SLC4A8: variants seen among roughly 807,000 people sequenced by gnomAD.
SLC4A8 encodes solute carrier family 4 member 8.
Under a neutral mutation model 125.0 loss-of-function variants are expected in SLC4A8, and 40 were observed. That is an observed-to-expected ratio of 0.32 (90% CI 0.25 to 0.42). SLC4A8 has a LOEUF of 0.42. Ranked by LOEUF, SLC4A8 falls within the 10% of genes least tolerant of loss-of-function variation. SLC4A8 has a pLI of 1.00. For missense variants in SLC4A8, 863 were observed against 1,355.1 expected (o/e 0.64, Z 5.70); for synonymous variants, 456 against 476.0 (o/e 0.96, Z 0.55).
chr12:51,495,887 T>G (rs542904204), intron 21 of SLC4A8, among the ~76,000 whole-genome samples: 5 of 152,240 alleles, frequency 3.3e-5, no homozygotes, highest in Non-Finnish European at 7.3e-5. Context: ...TCCCACTGTA[T>G]GTAAATACTA....
chr12:51,425,108 C>T, intron 1 of SLC4A8, 73 bp downstream of exon 1: 2 of 1,502,732 alleles, frequency 1.3e-6, no homozygotes, highest in Non-Finnish European at 1.8e-6. Flanking sequence ...CACCCTCCTT[C>T]CTTCTGCCCC....
chr12:51,488,588 A>G, intron 17 of SLC4A8, 111 bp from the exon 18 acceptor site: 1 of 697,564 alleles, frequency 1.4e-6, no homozygotes, highest in Non-Finnish European at 2.2e-6. Context: ...TTTTTTTTTT[A>G]AGAACCTCAC....
At chr12:51,430,760 A>G (rs1949161043) in intron 1 of SLC4A8, among the ~76,000 whole-genome samples, 1 of 152,192 alleles carries the variant, frequency 6.6e-6, no homozygotes, top group Non-Finnish European at 1.5e-5. Flanking sequence ...CAGAAAAGCA[A>G]TTGTGTCTAT....
At chr12:51,443,602 A>G (rs1340426733) in intron 2 of SLC4A8, among the ~76,000 whole-genome samples, 1 of 152,082 alleles carries the variant, frequency 6.6e-6, no homozygotes, top group Non-Finnish European at 1.5e-5. Flanking sequence ...ATTATTCCTG[A>G]TTAACTACTA....
intron 2 of SLC4A8, among the ~76,000 whole-genome samples, chr12:51,442,641 G>A (rs7964740): frequency 0.93 from 141,045 of 152,254 alleles, 65,392 homozygotes; most frequent in Non-Finnish European, 0.95. Context: ...TCCTTTGTAC[G>A]TAGACTTTTT....
At chr12:51,398,530 C>T (rs1948309957) in intron 1 of SLC4A8, among the ~76,000 whole-genome samples, 1 of 152,156 alleles carries the variant, frequency 6.6e-6, no homozygotes, top group Non-Finnish European at 1.5e-5. Context: ...AGAGCTTTTT[C>T]TGCTCAAAAT....
intron 5 of SLC4A8, among the ~76,000 whole-genome samples, chr12:51,455,898 G>T (rs1477584224): frequency 1.3e-5 from 2 of 152,162 alleles, no homozygotes; most frequent in East Asian, 1.9e-4. Context: ...TCCCATGAAT[G>T]TTCCTTAAAA....
rs1938288127 is a variant in SLC4A8 at position 51,509,462 on chromosome 12, T to A, written c.*2024T>A. 1 of 152,230 alleles carries A rather than the reference T, an allele frequency of 6.6e-6. No individual in the cohort carries two copies. Among genetic ancestry groups the A allele is most frequent in the Non-Finnish European group, 1.5e-5 (1 of 68,046 alleles). The allele number at this position is 152,230 out of a possible 1,614,324, so 9.4% of individuals were successfully genotyped here. Reference sequence around the variant, plus strand: ...TTCTTGCAGACTTTTCCCTTGTCCCTCTCTGGCTGCCTCCTTGAGCTTGCC... The same window carrying A: ...TTCTTGCAGACTTTTCCCTTGTCCCACTCTGGCTGCCTCCTTGAGCTTGCC... On this transcript the variant is annotated 3_prime_UTR_variant, in exon 25 of 25. Coordinates refer to ENST00000453097, the MANE Select transcript of SLC4A8 (RefSeq NM_001039960.3).
intron 16 of SLC4A8, chr12:51,480,430 C>T (rs189565212): frequency 7.5e-4 from 828 of 1,111,308 alleles, no homozygotes; most frequent in Non-Finnish European, 8.7e-4. Flanking sequence ...TGGAATAATA[C>T]GTGGATTGGG....
chr12:51,471,714 T>C (rs1950706707), intron 14 of SLC4A8, 182 bp downstream of exon 14: 1 of 635,678 alleles, frequency 1.6e-6, no homozygotes, highest in African/African-American at 1.8e-5. Context: ...TCAAAAGTGT[T>C]GACAGAGAAG....
At chr12:51,400,259 A>G (rs7300192) in intron 1 of SLC4A8, among the ~76,000 whole-genome samples, 94,952 of 152,092 alleles carry the variant, frequency 0.62, 29,717 homozygotes, top group South Asian at 0.64. Context: ...AATGGAATGT[A>G]AGTTATGTTT....
chr12:51,505,686 T>C (rs1938136846), intron 23 of SLC4A8, 149 bp from the exon 24 acceptor site: 2 of 472,794 alleles, frequency 4.2e-6, no homozygotes, highest in Non-Finnish European at 7.6e-6. Flanking sequence ...AAGATCAGAC[T>C]CCATCTTGTT....
At chr12:51,426,301 C>T (rs954940713) in intron 1 of SLC4A8, among the ~76,000 whole-genome samples, 1 of 152,102 alleles carries the variant, frequency 6.6e-6, no homozygotes, top group African/African-American at 2.4e-5. Flanking sequence ...ATATCTAACC[C>T]CCTTAAAGCC....
intron 16 of SLC4A8, 92 bp from the exon 17 acceptor site, chr12:51,485,695 C>A: frequency 1.5e-6 from 1 of 661,496 alleles, no homozygotes; most frequent in South Asian, 2.0e-5. Context: ...TGAAAACATT[C>A]TTCTGAGGAT....
chr12:51,451,323 C>G (rs1949964831), intron 3 of SLC4A8, among the ~76,000 whole-genome samples: 1 of 152,162 alleles, frequency 6.6e-6, no homozygotes, highest in African/African-American at 2.4e-5. Context: ...ACCTTGTGAT[C>G]CGGTCTCGAT....
chr12:51,402,877 T>C (rs1016395755), intron 1 of SLC4A8, among the ~76,000 whole-genome samples: 1 of 152,164 alleles, frequency 6.6e-6, no homozygotes, highest in Non-Finnish European at 1.5e-5. Flanking sequence ...TTGTCACTTA[T>C]CCTGTTCTTC....
intron 2 of SLC4A8, among the ~76,000 whole-genome samples, chr12:51,444,621 C>T (rs746078336): frequency 2.6e-5 from 4 of 152,076 alleles, no homozygotes; most frequent in Non-Finnish European, 5.9e-5. Context: ...TTTACTAAGC[C>T]CCTTCTGTAG....
intron 2 of SLC4A8, chr12:51,450,616 T>A (rs750438663): frequency 4.5e-5 from 20 of 442,324 alleles, no homozygotes; most frequent in Non-Finnish European, 6.4e-5. Context: ...GCCTTTACAG[T>A]TTGGAAATCA....
intron 2 of SLC4A8, among the ~76,000 whole-genome samples, chr12:51,445,585 C>G (rs1176215853): frequency 2.6e-5 from 4 of 152,112 alleles, no homozygotes; most frequent in Non-Finnish European, 5.9e-5. Context: ...CTACCCTGCC[C>G]TGGCCCTACT....
Sources: gnomAD v4.1 joint callset for allele counts (sites outside exome capture counted in the v4.1 genomes callset) on GRCh38, gnomAD v4.1.1 for gene constraint, MANE v1.5 for transcripts, NCBI Gene and HGNC (gene_info 2026-07-23, HGNC 2026-07-21) for gene names.